The following EPHA6 variants were observed in gnomAD, a reference collection of about 807,000 sequenced individuals.
EPHA6 encodes ephrin type-A receptor 6.
A neutral mutation model predicts 112.0 loss-of-function variants in EPHA6; 50 were observed. The observed-to-expected ratio is 0.45, with a 90% CI of 0.36 to 0.56. EPHA6 has a LOEUF of 0.56. Among genes scored for constraint, EPHA6 ranks in the 20% least tolerant of loss-of-function variants. The pLI, the probability that EPHA6 is intolerant of heterozygous loss-of-function variation, is 0.00. For synonymous variants in EPHA6, 529 were observed against 490.7 expected, an observed-to-expected ratio of 1.08 and a Z score of -1.03; for missense variants, 1,280 against 1,417.4, an observed-to-expected ratio of 0.90 and a Z score of 1.56.
At chr3:97,528,351 G>C (rs902001595) in intron 10 of EPHA6, among the ~76,000 whole-genome samples, 2 of 152,128 alleles carry the variant, frequency 1.3e-5, no homozygotes, top group African/African-American at 2.4e-5. Context: ...GGCTAAATTA[G>C]ATGGGTTGGT....
chr3:97,330,634 CA>C, intron 5 of EPHA6, among the ~76,000 whole-genome samples: 1 of 152,008 alleles, frequency 6.6e-6, no homozygotes, highest in Middle Eastern at 3.4e-3. Flanking sequence ...CAACAAAGAT[CA>C]AAAGAGACAA....
chr3:96,942,230 AG>A (rs759771160), intron 2 of EPHA6, among the ~76,000 whole-genome samples: 1 of 152,232 alleles, frequency 6.6e-6, no homozygotes, highest in Non-Finnish European at 1.5e-5. Flanking sequence ...CTACAGAGGC[AG>A]GCAGGCCTCC....
intron 11 of EPHA6, among the ~76,000 whole-genome samples, chr3:97,549,283 T>G (rs192432128): frequency 3.7e-4 from 57 of 152,292 alleles, no homozygotes; most frequent in Admixed American, 7.2e-4. Context: ...TTGTGTGGTT[T>G]TGTGGCCCCT....
At chr3:96,988,761 C>A (rs1406525716) in intron 3 of EPHA6, among the ~76,000 whole-genome samples, 1 of 152,034 alleles carries the variant, frequency 6.6e-6, no homozygotes, top group African/African-American at 2.4e-5. Context: ...TATGTGACAT[C>A]TAATTGTCAG....
rs1345581243 is a variant in EPHA6, at chr3:97,153,243, TGG to T, written c.1115-73020_1115-73019del. ...TAAGATCAACATCAATATATAGCTT[TGG>T]TATATCACAATTTTTTTCAAAGTGC... On this transcript the variant is annotated intron_variant, in intron 3 of 17. Transcript: ENST00000389672. Among the ~76,000 whole-genome samples the T allele has an allele frequency of 2.0e-3, 302 of 152,242 alleles. 1 individual carries two copies. The highest frequency in any genetic ancestry group is 3.4e-3 in the Middle Eastern group (1 of 292).
chr3:97,015,208 G>C (rs1367878889), intron 3 of EPHA6, among the ~76,000 whole-genome samples: 1 of 152,132 alleles, frequency 6.6e-6, no homozygotes, highest in African/African-American at 2.4e-5. Context: ...TATTGTAGAA[G>C]AAAATCTTAC....
At chr3:96,824,349 G>A (rs1410004662) in intron 1 of EPHA6, among the ~76,000 whole-genome samples, 1 of 151,552 alleles carries the variant, frequency 6.6e-6, no homozygotes, top group African/African-American at 2.4e-5. Context: ...TATTTCTATT[G>A]TAAATTTCTC....
At chr3:97,122,744 A>G (rs2048075688) in intron 3 of EPHA6, among the ~76,000 whole-genome samples, 1 of 152,046 alleles carries the variant, frequency 6.6e-6, no homozygotes. Flanking sequence ...TTAATTGTAT[A>G]GAATTCTTTA....
At chr3:97,026,228 T>G (rs1194163770) in intron 3 of EPHA6, among the ~76,000 whole-genome samples, 3 of 151,996 alleles carry the variant, frequency 2.0e-5, no homozygotes, top group Non-Finnish European at 4.4e-5. Flanking sequence ...TTGTTCTTTT[T>G]GCTTCGGATT....
chr3:97,674,427 T>A (rs572076888), intron 14 of EPHA6, among the ~76,000 whole-genome samples: 124 of 152,314 alleles, frequency 8.1e-4, no homozygotes, highest in African/African-American at 2.9e-3. Context: ...CAAAATAATT[T>A]TCCTATTTAG....
At chr3:96,828,158 GAAA>G (rs1559753685) in intron 1 of EPHA6, among the ~76,000 whole-genome samples, 1 of 151,874 alleles carries the variant, frequency 6.6e-6, no homozygotes, top group East Asian at 1.9e-4. Context: ...AAAGAAAAAA[GAAA>G]AAAAGATCTC....
chr3:97,571,554 G>A (rs1429767751), intron 11 of EPHA6, among the ~76,000 whole-genome samples: 5 of 144,928 alleles, frequency 3.4e-5, no homozygotes. Flanking sequence ...CATCTCAAAT[G>A]CCATTTTTTT....
chr3:97,025,776 A>G (rs1400008257), intron 3 of EPHA6, among the ~76,000 whole-genome samples: 2 of 151,878 alleles, frequency 1.3e-5, no homozygotes, highest in Non-Finnish European at 2.9e-5. Context: ...TTTAGTAGAG[A>G]TGGGGTTTCA....
At chr3:97,215,074 G>T (rs1046060827) in intron 3 of EPHA6, among the ~76,000 whole-genome samples, 3 of 152,208 alleles carry the variant, frequency 2.0e-5, no homozygotes, top group Non-Finnish European at 4.4e-5. Flanking sequence ...TGAGGGAAAA[G>T]CAGTCGATTA....
At chr3:97,192,478 G>C (rs969831122) in intron 3 of EPHA6, among the ~76,000 whole-genome samples, 1 of 152,084 alleles carries the variant, frequency 6.6e-6, no homozygotes, top group African/African-American at 2.4e-5. Context: ...TGGGTTATCA[G>C]ATTTTCTCCT....
At chr3:97,411,483 A>G (rs1303255729) in intron 6 of EPHA6, among the ~76,000 whole-genome samples, 1 of 152,090 alleles carries the variant, frequency 6.6e-6, no homozygotes, top group Non-Finnish European at 1.5e-5. Flanking sequence ...AAGTTATTCT[A>G]TCTTTGGTTT....
chr3:97,541,727 GTTTT>G (rs59024112), intron 11 of EPHA6, among the ~76,000 whole-genome samples: 2,303 of 131,916 alleles, frequency 0.017, 78 homozygotes, highest in African/African-American at 0.057. Context: ...TCTTTTTTTT[GTTTT>G]TTTTTTTTTG....
intron 3 of EPHA6, among the ~76,000 whole-genome samples, chr3:97,166,582 A>C (rs1252746154): frequency 1.3e-5 from 2 of 152,132 alleles, no homozygotes; most frequent in African/African-American, 2.4e-5. Context: ...TTTTTGAAGA[A>C]TCTTTGGAAG....
chr3:97,592,484 C>G (rs1054134904), intron 11 of EPHA6, 128 bp from the exon 12 acceptor site: 2 of 1,064,248 alleles, frequency 1.9e-6, no homozygotes. Flanking sequence ...TGCATTCCAT[C>G]CCTTTAATTT....
Sources: allele counts gnomAD v4.1 joint callset (sites outside exome capture counted in the v4.1 genomes callset), GRCh38; gene constraint gnomAD v4.1.1; transcripts MANE v1.5; gene names NCBI Gene and HGNC (gene_info 2026-07-23, HGNC 2026-07-21).